The following EGFR variants were observed in gnomAD, a reference collection of about 807,000 sequenced individuals.
The protein encoded by EGFR is avian erythroblastic leukemia viral (v-erb-b) oncogene homolog.
Under a neutral mutation model 143.0 loss-of-function variants are expected in EGFR, and 58 were observed. That is an observed-to-expected ratio of 0.41 (90% CI 0.33 to 0.50). The LOEUF is 0.50. Among genes scored for constraint, EGFR ranks in the 20% least tolerant of loss-of-function variants. EGFR has a pLI of 0.39. For synonymous variants in EGFR, 613 were observed against 594.4 expected (o/e 1.03, Z -0.45); for missense variants, 1,307 against 1,579.0 (o/e 0.83, Z 2.92).
At chr7:55,033,783 G>A (rs142538697) in intron 1 of EGFR, among the ~76,000 whole-genome samples, 13 of 152,172 alleles carry the variant, frequency 8.5e-5, no homozygotes, top group African/African-American at 3.1e-4. Flanking sequence ...GGACTCTCAG[G>A]TGACATCCCA....
Position 55,166,712 on chromosome 7 carries a change from A to G in EGFR, c.1880+1275A>G, listed in dbSNP as rs1280808629. Reference sequence around the variant, plus strand: ...GGTGGTGATGGTGTTGATGGTGGTGAGGAGGTGGGAGTCACAATGGTGGTA... The same window carrying G: ...GGTGGTGATGGTGTTGATGGTGGTGGGGAGGTGGGAGTCACAATGGTGGTA... On this transcript the variant is annotated intron_variant, in intron 15 of 27. Transcript: ENST00000275493. Among the ~76,000 whole-genome samples, 3 of 134,890 alleles carry G rather than the reference A, an allele frequency of 2.2e-5. 1 individual carries two copies. The highest frequency in any genetic ancestry group is 4.7e-5 in the Non-Finnish European group (3 of 64,122). 88.5% of individuals were successfully genotyped at this position (134,890 alleles called of 152,430 possible).
At position 55,137,098 on chromosome 7, in the gene EGFR, C is replaced by G. The variant is rs539785638; in HGVS notation, c.89-5188C>G. Among the ~76,000 whole-genome samples, 11 of 152,256 alleles carry G rather than the reference C, an allele frequency of 7.2e-5. No individual in the cohort carries two copies. In the East Asian group the frequency reaches 1.9e-3, roughly 27 times the overall value. ...GAGCAGAGAATGCAGGATAATGTGACAGATGTAATGGTGGGTACTTAAGCT... is the reference window on the plus strand; with the variant it reads ...GAGCAGAGAATGCAGGATAATGTGAGAGATGTAATGGTGGGTACTTAAGCT... On this transcript the variant is annotated intron_variant, in intron 1 of 27. Transcript: ENST00000275493.
At position 55,186,828 on chromosome 7, in the gene EGFR, C is replaced by T. The variant is rs146268037; in HGVS notation, c.2470-4891C>T. ...AAGGGAAGCAGGTCAGAGCAGGAGG[C>T]GCAGCTATAGTGAGGCCACCATGCA... On this transcript the variant is annotated intron_variant, in intron 20 of 27. Coordinates refer to ENST00000275493, the MANE Select transcript of EGFR (RefSeq NM_005228.5). Among the ~76,000 whole-genome samples the T allele has an allele frequency of 1.4e-3, 215 of 152,304 alleles. 1 individual carries two copies. Among genetic ancestry groups the T allele is most frequent in the African/African-American group, 5.0e-3 (206 of 41,550 alleles).
Position 55,152,394 on chromosome 7 carries a change from G to A in EGFR, c.629-152G>A, listed in dbSNP as rs566948029. ...GGAGAAAAAAGAGGCAATCAGAAAA[G>A]GGCATGGTTTGACTTAGTTTGAATG... On this transcript the variant is annotated intron_variant, in intron 5 of 27. Coordinates refer to ENST00000275493, the MANE Select transcript of EGFR (RefSeq NM_005228.5). The A allele has an allele frequency of 8.8e-6, 7 of 797,236 alleles. No homozygotes were observed. The South Asian group carries it at 9.4e-5, about 11-fold the overall frequency. 49.4% of individuals were successfully genotyped at this position (797,236 alleles called of 1,614,324 possible). A position where few individuals can be genotyped will look rare whatever the true frequency, so the allele number is the denominator to read the frequency against.
At chr7:55,039,962 G>T (rs1006196239) in intron 1 of EGFR, among the ~76,000 whole-genome samples, 9 of 152,184 alleles carry the variant, frequency 5.9e-5, no homozygotes, top group Non-Finnish European at 1.0e-4. Flanking sequence ...TACACTGGTA[G>T]TCATAGTTCT....
chr7:55,068,098 A>G (rs1268613680), intron 1 of EGFR, among the ~76,000 whole-genome samples: 1 of 150,976 alleles, frequency 6.6e-6, no homozygotes, highest in African/African-American at 2.4e-5. Flanking sequence ...ACAGGTGTGT[A>G]TGTGTGTGCC....
intron 20 of EGFR, among the ~76,000 whole-genome samples, chr7:55,184,905 T>C (rs533360556): frequency 3.0e-4 from 46 of 152,342 alleles, no homozygotes; most frequent in Non-Finnish European, 5.9e-4. Flanking sequence ...AAAATTTTCT[T>C]TTTAAACGTT....
At chr7:55,021,890 G>A (rs1438225430) in intron 1 of EGFR, among the ~76,000 whole-genome samples, 3 of 152,136 alleles carry the variant, frequency 2.0e-5, no homozygotes, top group Non-Finnish European at 2.9e-5. Flanking sequence ...GGAGGCAGAC[G>A]GGAAATTCAC....
In EGFR at chr7:55,151,372, T is replaced by C; in HGVS notation, c.628+10T>C. On this transcript the variant is annotated intron_variant, in intron 5 of 27. Transcript: ENST00000275493. The stretch of plus-strand genomic sequence containing the variant: ...GAGAACTGCCAGAAACGTAAGTCAG[T>C]GAACAGCCTCAGACCCATGTGTGAC... 1 of 1,614,092 alleles carries C rather than the reference T, an allele frequency of 6.2e-7. No individual in the cohort carries two copies. Among genetic ancestry groups the C allele is most frequent in the Non-Finnish European group, 8.5e-7 (1 of 1,179,978 alleles).
chr7:55,028,122 A>G (rs1475765122), intron 1 of EGFR, among the ~76,000 whole-genome samples: 2 of 151,168 alleles, frequency 1.3e-5, no homozygotes, highest in Non-Finnish European at 2.9e-5. Flanking sequence ...CAGAAATGTG[A>G]TATCTGACGA....
At chr7:55,140,366 G>T (rs1794392467) in intron 1 of EGFR, among the ~76,000 whole-genome samples, 1 of 152,048 alleles carries the variant, frequency 6.6e-6, no homozygotes, top group African/African-American at 2.4e-5. Flanking sequence ...CATCTGTTTG[G>T]CACGAGGGGC....
At chr7:55,081,683 A>T (rs1013995040) in intron 1 of EGFR, among the ~76,000 whole-genome samples, 1 of 151,302 alleles carries the variant, frequency 6.6e-6, no homozygotes, top group African/African-American at 2.4e-5. Context: ...TGCACAATTC[A>T]TCAGTGTCTG....
chr7:55,064,841 A>G (rs1209761466), intron 1 of EGFR, among the ~76,000 whole-genome samples: 3 of 152,238 alleles, frequency 2.0e-5, no homozygotes, highest in Non-Finnish European at 4.4e-5. Context: ...AAGTAGACAC[A>G]AACCTACTGG....
chr7:55,191,183 A>T (rs1048195567), intron 20 of EGFR, among the ~76,000 whole-genome samples: 1 of 152,176 alleles, frequency 6.6e-6, no homozygotes, highest in Non-Finnish European at 1.5e-5. Context: ...TTCAGTATCC[A>T]TGTGGTTTCA....
chr7:55,174,844 G>C (rs2128954951), intron 19 of EGFR, 24 bp downstream of exon 19: 1 of 1,597,232 alleles, frequency 6.3e-7, no homozygotes, highest in Non-Finnish European at 8.6e-7. Flanking sequence ...TTGCTGTGTG[G>C]GGGTCCATGG....
chr7:55,188,441 C>CT (rs1166956273), intron 20 of EGFR, among the ~76,000 whole-genome samples: 2 of 152,204 alleles, frequency 1.3e-5, no homozygotes, highest in Non-Finnish European at 2.9e-5. Flanking sequence ...GCAGAGCCTT[C>CT]TTTTTTGTAA....
At chr7:55,119,360 C>A (rs12667668) in intron 1 of EGFR, 29,515 of 152,158 alleles carry the variant, frequency 0.19, 3,147 homozygotes, top group East Asian at 0.3. Flanking sequence ...CTGAAACCAA[C>A]ACAATCTTCC....
At chr7:55,170,496 T>C (rs999650364) in intron 15 of EGFR, 4 of 1,613,920 alleles carry the variant, frequency 2.5e-6, no homozygotes, top group Admixed American at 1.7e-5. Context: ...GCCACCTCCA[T>C]GCCTGGCCTT....
chr7:55,125,652 G>A (rs1159535572), intron 1 of EGFR, among the ~76,000 whole-genome samples: 2 of 152,220 alleles, frequency 1.3e-5, no homozygotes, highest in African/African-American at 4.8e-5. Context: ...GAAATGATGC[G>A]GATAAATCCA....
Sources: gnomAD v4.1 joint callset for allele counts (sites outside exome capture counted in the v4.1 genomes callset) on GRCh38, gnomAD v4.1.1 for gene constraint, MANE v1.5 for transcripts, NCBI Gene and HGNC (gene_info 2026-07-23, HGNC 2026-07-21) for gene names.